The following CPNE9 variants were observed in gnomAD, a reference collection of about 807,000 sequenced individuals.
CPNE9 encodes the protein copine family member 9.
A neutral mutation model predicts 83.0 loss-of-function variants in CPNE9; 59 were observed. The observed-to-expected ratio is 0.71, with a 90% confidence interval of 0.58 to 0.88. The LOEUF (loss-of-function observed/expected upper bound fraction) is 0.88, where lower values mean the gene tolerates loss of function less well. Among genes scored for constraint, CPNE9 ranks in the 40% least tolerant of loss-of-function variants. The pLI is 0.00. For missense variants in CPNE9, 619 were observed against 720.8 expected (o/e 0.86, Z 1.62); for synonymous variants, 256 against 273.4 (o/e 0.94, Z 0.63).
chr3:9,715,151 T>A, intron 11 of CPNE9, 138 bp from the exon 12 acceptor site: 1 of 1,010,154 alleles, frequency 9.9e-7, no homozygotes, highest in African/African-American at 1.6e-5. Context: ...CCCCTATGTT[T>A]GGCCTCCCTT....
intron 9 of CPNE9, 44 bp from the exon 10 acceptor site, chr3:9,712,931 C>CG: frequency 6.3e-7 from 1 of 1,579,638 alleles, no homozygotes; most frequent in East Asian, 2.2e-5. Flanking sequence ...AGTCCTACCC[C>CG]GGGCACGAGA....
intron 20 of CPNE9, among the ~76,000 whole-genome samples, chr3:9,727,724 T>C (rs2076797061): frequency 6.6e-6 from 1 of 152,080 alleles, no homozygotes; most frequent in Non-Finnish European, 1.5e-5. Context: ...TATGTTAGAA[T>C]TGGAAAGCTC....
intron 4 of CPNE9, 23 bp downstream of exon 4, chr3:9,705,017 G>A: frequency 1.9e-6 from 3 of 1,554,478 alleles, no homozygotes; most frequent in Non-Finnish European, 2.6e-6. Context: ...CTGGAATTCT[G>A]GCTTGGCCCG....
In CPNE9 at chr3:9,704,493, G is replaced by A; in HGVS notation, c.69-94G>A. 1 of 1,067,002 alleles carries A rather than the reference G, an allele frequency of 9.4e-7. No homozygotes were observed. Among genetic ancestry groups the A allele is most frequent in the Non-Finnish European group, 1.5e-6 (1 of 681,224 alleles). The allele number at this position is 1,067,002 out of a possible 1,614,324, so 66.1% of individuals were successfully genotyped here. A position where few individuals can be genotyped will look rare whatever the true frequency, so the allele number is the denominator to read the frequency against. On this transcript the variant is annotated intron_variant, in intron 1 of 20. Coordinates refer to ENST00000383832, the MANE Select transcript of CPNE9 (RefSeq NM_153635.3). This position sits in a 1 kb window ranked among gnomAD's most constrained non-coding sequence, Gnocchi z 7.1. ...CATGGGGGACAGAGGTTCGATGCGGGCCCCATGCCTCTCCTCAGTGCCCGG... is the reference window on the plus strand; with the variant it reads ...CATGGGGGACAGAGGTTCGATGCGGACCCCATGCCTCTCCTCAGTGCCCGG...
At chr3:9,709,305 A>C (rs1051971968) in intron 7 of CPNE9, among the ~76,000 whole-genome samples, 13 of 150,324 alleles carry the variant, frequency 8.6e-5, no homozygotes, top group African/African-American at 3.2e-4. Context: ...AAAAAGAAAG[A>C]AAAGAAAAGA....
At chr3:9,727,902 GGGGA>G (rs1431899525) in intron 20 of CPNE9, among the ~76,000 whole-genome samples, 1 of 152,204 alleles carries the variant, frequency 6.6e-6, no homozygotes, top group African/African-American at 2.4e-5. Context: ...TAGAAGCAGT[GGGGA>G]GGGAGAGAAA....
chr3:9,715,495 G>A lies in CPNE9; in HGVS notation c.791G>A (p.Cys264Tyr), dbSNP rs1575124642. 2 of 1,613,926 alleles carry A rather than the reference G, an allele frequency of 1.2e-6. No homozygotes were observed. The highest frequency in any genetic ancestry group is 1.7e-6 in the Non-Finnish European group (2 of 1,179,934). ...VYEVLNPRKK[C>Y]KKKKYVNSGT... Reference sequence around the variant, plus strand: ...TAGGTTCTTAACCCTCGGAAGAAATGTAAGAAGAAGAAATATGTCAACTCA... The same window carrying A: ...TAGGTTCTTAACCCTCGGAAGAAATATAAGAAGAAGAAATATGTCAACTCA... Residue 264 changes from cysteine (C) to tyrosine (Y), a missense_variant, in exon 13 of 21, where the codon TGT becomes TAT. This residue lies in a region of CPNE9 where 438 missense variants were observed against 562.9 expected (regional missense o/e 0.78). Transcript: ENST00000383832.
Position 9,706,079 on chromosome 3 carries a change from A to T in CPNE9, c.377+16A>T. On this transcript the variant is annotated intron_variant, in intron 7 of 20. Transcript: ENST00000383832. ...GAACCCTCACGTAAGCTGAATAGGA[A>T]GGGGTGTGGGAGTGGGGTGGGGGCT... is the stretch of plus-strand genomic sequence containing the variant. The T allele has an allele frequency of 1.2e-6, 2 of 1,611,878 alleles. No homozygotes were observed. The highest frequency in any genetic ancestry group is 1.7e-6 in the Non-Finnish European group (2 of 1,179,110).
chr3:9,729,724 C>A lies in CPNE9; in HGVS notation c.*32C>A. ...CACATATCCAATGCCTCACAGTCTG[C>A]AAGCCTGCTCACCCACTGCTTCTGC... On this transcript the variant is annotated 3_prime_UTR_variant, in exon 21 of 21. Coordinates refer to ENST00000383832, the MANE Select transcript of CPNE9 (RefSeq NM_153635.3). The A allele has an allele frequency of 5.1e-6, 8 of 1,578,384 alleles. No individual in the cohort carries two copies. Among genetic ancestry groups the A allele is most frequent in the Non-Finnish European group, 6.9e-6 (8 of 1,156,108 alleles).
intron 10 of CPNE9, among the ~76,000 whole-genome samples, chr3:9,713,548 T>C (rs1472735301): frequency 6.6e-6 from 1 of 151,612 alleles, no homozygotes; most frequent in East Asian, 1.9e-4. Context: ...GATGGGTGGG[T>C]GATAAATTGG....
intron 15 of CPNE9, 33 bp downstream of exon 15, chr3:9,717,137 G>T: frequency 5.0e-6 from 8 of 1,611,740 alleles, no homozygotes; most frequent in Non-Finnish European, 6.8e-6. Context: ...AGTCGGAGGT[G>T]GGAAGGCACT....
intron 10 of CPNE9, 115 bp downstream of exon 10, chr3:9,713,194 G>A: frequency 1.3e-6 from 1 of 786,742 alleles, no homozygotes; most frequent in Non-Finnish European, 2.1e-6. Context: ...TGCTCAGTGA[G>A]ACAGAGTTTG....
rs1336728292 is a variant in CPNE9, at chr3:9,712,829, G to A, written c.545+1G>A. 4.3e-6 allele frequency: 7 copies of A among 1,611,118 alleles called. No individual in the cohort carries two copies. Among genetic ancestry groups the A allele is most frequent in the South Asian group, 3.3e-5 (3 of 90,986 alleles). Reference sequence around the variant, plus strand: ...TCTACAGGAGCAATGAGGATGGCACGTGAGTCACTGCCATCAGGGCTGTTA... The same window carrying A: ...TCTACAGGAGCAATGAGGATGGCACATGAGTCACTGCCATCAGGGCTGTTA... On this transcript the variant is annotated splice_donor_variant, in intron 9 of 20. Transcript: ENST00000383832. LOFTEE classifies it high-confidence loss of function.
chr3:9,723,413 A>AGT (rs1364488346), intron 17 of CPNE9, among the ~76,000 whole-genome samples: 1 of 151,948 alleles, frequency 6.6e-6, no homozygotes, highest in African/African-American at 2.4e-5. Context: ...CAGAGGTTGC[A>AGT]GTGAGCTGAG....
At chr3:9,712,436 G>A in intron 7 of CPNE9, 105 bp from the exon 8 acceptor site, 2 of 901,652 alleles carry the variant, frequency 2.2e-6, no homozygotes, top group Non-Finnish European at 3.7e-6. Flanking sequence ...GGGACTGTCA[G>A]TAAATGGCAA....
intron 17 of CPNE9, among the ~76,000 whole-genome samples, chr3:9,720,703 G>A (rs1347292467): frequency 1.3e-5 from 2 of 151,580 alleles, no homozygotes; most frequent in Admixed American, 1.3e-4. Flanking sequence ...CACTAATACT[G>A]GAACCTGAGC....
chr3:9,712,625 A>G (rs905826428), intron 8 of CPNE9, 21 bp downstream of exon 8: 1 of 1,612,200 alleles, frequency 6.2e-7, no homozygotes, highest in Non-Finnish European at 8.5e-7. Context: ...GCCACATGCT[A>G]GACCCAGGAG....
chr3:9,721,399 C>A (rs1195883454), intron 17 of CPNE9, among the ~76,000 whole-genome samples: 1 of 152,190 alleles, frequency 6.6e-6, no homozygotes, highest in Non-Finnish European at 1.5e-5. Context: ...CACATTGCAT[C>A]CCTGTTTAAT....
At chr3:9,724,943 G>A (rs2125475457) in intron 17 of CPNE9, among the ~76,000 whole-genome samples, 1 of 152,054 alleles carries the variant, frequency 6.6e-6, no homozygotes, top group East Asian at 2.0e-4. Flanking sequence ...TTTTCATAGA[G>A]ACAGGGTTTC....
Sources: allele counts gnomAD v4.1 joint callset (sites outside exome capture counted in the v4.1 genomes callset), GRCh38; gene constraint gnomAD v4.1.1; regional missense constraint gnomAD v4.1.1; non-coding constraint Gnocchi (gnomAD v3.1); transcripts MANE v1.5; gene names NCBI Gene and HGNC (gene_info 2026-07-23, HGNC 2026-07-21).